GALNT13: variants seen among roughly 807,000 people sequenced by gnomAD.
GALNT13 encodes the protein UDP-GalNAc:polypeptide N-acetylgalactosaminyltransferase 13.
GALNT13 carries 28 observed loss-of-function variants against 64.2 expected under a neutral mutation model. The ratio of observed to expected loss-of-function variants is 0.44; its 90% CI spans 0.32 to 0.60. GALNT13 has a LOEUF of 0.60. Among genes scored for constraint, GALNT13 ranks in the 20% least tolerant of loss-of-function variants. GALNT13 has a pLI of 0.05. For synonymous variants in GALNT13, 214 were observed against 224.6 expected (o/e 0.95, Z 0.42); for missense variants, 577 against 669.8 (o/e 0.86, Z 1.53).
At chr2:154,137,004 A>G (rs755558043) in intron 3 of GALNT13, among the ~76,000 whole-genome samples, 4 of 152,006 alleles carry the variant, frequency 2.6e-5, no homozygotes, top group South Asian at 4.2e-4. Context: ...TTGTGAGTAC[A>G]TGAGTCTCTT....
intron 4 of GALNT13, among the ~76,000 whole-genome samples, chr2:154,239,862 A>C (rs1455268723): frequency 1.3e-5 from 2 of 152,176 alleles, no homozygotes; most frequent in African/African-American, 4.8e-5. Context: ...TGAAGATCTT[A>C]ACTGGCACAC....
At chr2:154,108,300 A>G (rs1003961452) in intron 3 of GALNT13, among the ~76,000 whole-genome samples, 12 of 151,886 alleles carry the variant, frequency 7.9e-5, no homozygotes, top group African/African-American at 2.7e-4. Flanking sequence ...GTAGTTGCCA[A>G]TTCTGAAAGG....
At chr2:153,397,816 C>A in the GALNT13 span, among the ~76,000 whole-genome samples, 1 of 152,204 alleles carries the variant, frequency 6.6e-6, no homozygotes, top group South Asian at 2.1e-4. Context: ...CTCTATATGA[C>A]TCAGAGAATT....
At chr2:153,615,756 A>G in the GALNT13 span, among the ~76,000 whole-genome samples, 12 of 152,014 alleles carry the variant, frequency 7.9e-5, no homozygotes, top group African/African-American at 2.7e-4. Context: ...ACGTATTCAA[A>G]TCTTTTGTCC....
At chr2:153,349,631 T>C in the GALNT13 span, among the ~76,000 whole-genome samples, 1 of 152,198 alleles carries the variant, frequency 6.6e-6, no homozygotes, top group Non-Finnish European at 1.5e-5. Context: ...CAGAGCTCTT[T>C]GCTCTTGTAT....
At chr2:154,065,160 G>T (rs10804096) in intron 3 of GALNT13, among the ~76,000 whole-genome samples, 2 of 151,858 alleles carry the variant, frequency 1.3e-5, no homozygotes, top group African/African-American at 4.8e-5. Flanking sequence ...GAAAGGACAG[G>T]GAAGAGTGGA....
At chr2:153,213,098 TG>T in the GALNT13 span, among the ~76,000 whole-genome samples, 14 of 152,234 alleles carry the variant, frequency 9.2e-5, no homozygotes, top group African/African-American at 2.9e-4. Flanking sequence ...TGAAGGTCTT[TG>T]ATTTTGCCCT....
the GALNT13 span, among the ~76,000 whole-genome samples, chr2:153,775,600 A>G: frequency 2.0e-5 from 3 of 152,098 alleles, no homozygotes; most frequent in African/African-American, 7.2e-5. Flanking sequence ...AAAGATACAT[A>G]ATTCCCAAGT....
chr2:153,178,677 T>G, the GALNT13 span, among the ~76,000 whole-genome samples: 1 of 151,984 alleles, frequency 6.6e-6, no homozygotes, highest in Non-Finnish European at 1.5e-5. Flanking sequence ...ATTGTGATGT[T>G]TCATTTCTTG....
At chr2:154,385,916 G>A (rs1698492627) in intron 9 of GALNT13, among the ~76,000 whole-genome samples, 1 of 151,982 alleles carries the variant, frequency 6.6e-6, no homozygotes, top group Admixed American at 6.6e-5. Flanking sequence ...AGCTTTTCCT[G>A]CTTCTGAGTC....
At chr2:154,355,029 T>C (rs1245513279) in intron 9 of GALNT13, among the ~76,000 whole-genome samples, 1 of 152,074 alleles carries the variant, frequency 6.6e-6, no homozygotes, top group Non-Finnish European at 1.5e-5. Flanking sequence ...TCATAATCCA[T>C]TTAATTTTTA....
chr2:153,345,687 CTTTCTTTCTTTCTT>C, the GALNT13 span, among the ~76,000 whole-genome samples: 16 of 133,720 alleles, frequency 1.2e-4, no homozygotes, highest in African/African-American at 2.8e-4. Flanking sequence ...TTCTTTCTTT[CTTTCTTTCTTTCTT>C]TCTCTTTCTC....
rs1186372495 is a variant in GALNT13 at position 154,395,994 on chromosome 2, T to C, written c.1160T>C (p.Val387Ala). Reference sequence around the variant, plus strand: ...GTGTTTCTCTGAAAAATTCCAGGTGTTGTCAAAGTGGATTATGGAGATGTG... The same window carrying C: ...GTGTTTCTCTGAAAAATTCCAGGTGCTGTCAAAGTGGATTATGGAGATGTG... ...KDFFYIISPG[V>A]VKVDYGDVSV... Residue 387 changes from valine to alanine, a missense_variant, in exon 10 of 13, where the codon GTT becomes GCT. By Grantham distance (64) the Val-to-Ala change is moderately conservative. This residue lies in a region of GALNT13 where 232 missense variants were observed against 270.6 expected (regional missense o/e 0.86). Coordinates refer to ENST00000392825, the MANE Select transcript of GALNT13 (RefSeq NM_052917.4). The C allele has an allele frequency of 2.5e-6, 4 of 1,595,078 alleles. 1 individual carries two copies. In the Admixed American group the frequency reaches 7.1e-5, roughly 28 times the overall value.
At chr2:154,060,520 T>C (rs1700122106) in intron 3 of GALNT13, among the ~76,000 whole-genome samples, 1 of 152,108 alleles carries the variant, frequency 6.6e-6, no homozygotes, top group Admixed American at 6.5e-5. Context: ...TATGCCTGGC[T>C]AATTTTTGTG....
chr2:154,321,029 G>A (rs146852034), intron 9 of GALNT13, among the ~76,000 whole-genome samples: 1 of 152,234 alleles, frequency 6.6e-6, no homozygotes, highest in African/African-American at 2.4e-5. Context: ...CAATACACAG[G>A]AACCATCTTG....
chr2:153,357,282 ATCAT>A, the GALNT13 span: 19 of 152,224 alleles, frequency 1.2e-4, no homozygotes, highest in African/African-American at 4.3e-4. Context: ...AATGAAAAAA[ATCAT>A]TCAGACTTCA....
the GALNT13 span, among the ~76,000 whole-genome samples, chr2:153,390,691 C>T: frequency 6.6e-6 from 1 of 151,944 alleles, no homozygotes; most frequent in East Asian, 1.9e-4. Context: ...CCCAATGACT[C>T]CCTGAATCTT....
At chr2:154,090,708 C>T (rs1333423285) in intron 3 of GALNT13, among the ~76,000 whole-genome samples, 1 of 151,906 alleles carries the variant, frequency 6.6e-6, no homozygotes, top group African/African-American at 2.4e-5. Context: ...AATAACTTTC[C>T]TCTATTAGGA....
chr2:153,688,034 G>A, the GALNT13 span, among the ~76,000 whole-genome samples: 23 of 151,942 alleles, frequency 1.5e-4, no homozygotes. Flanking sequence ...CACAGTTATT[G>A]TTGCTGTTAA....
Sources: gnomAD v4.1 joint callset for allele counts (sites outside exome capture counted in the v4.1 genomes callset) on GRCh38, gnomAD v4.1.1 for gene constraint, gnomAD v4.1.1 regional missense constraint, MANE v1.5 for transcripts, NCBI Gene and HGNC (gene_info 2026-07-23, HGNC 2026-07-21) for gene names.